Variants in SOCS5 observed in about 807,000 individuals in gnomAD.
SOCS5 encodes CIS-6.
SOCS5 carries 32 observed loss-of-function variants against 42.8 expected under a neutral mutation model. That is an observed-to-expected ratio of 0.75 (90% CI 0.56 to 1.01). The LOEUF is 1.01. SOCS5 is among the 50% of genes least tolerant of loss of function. SOCS5 has a pLI of 0.00. For missense variants in SOCS5, 627 were observed against 653.0 expected, an observed-to-expected ratio of 0.96 and a Z score of 0.43; for synonymous variants, 283 against 229.6, an observed-to-expected ratio of 1.23 and a Z score of -2.10.
intron 1 of SOCS5, among the ~76,000 whole-genome samples, chr2:46,745,410 A>T (rs764417719): frequency 1.3e-5 from 2 of 152,204 alleles, no homozygotes; most frequent in Non-Finnish European, 2.9e-5. Flanking sequence ...ACATTGTTTA[A>T]ATTGAACATA....
chr2:46,699,434 C>T lies in SOCS5; in HGVS notation c.-28C>T, dbSNP rs1424591292. On this transcript the variant is annotated 5_prime_UTR_variant, in exon 1 of 2. Coordinates refer to ENST00000394861, the MANE Select transcript of SOCS5 (RefSeq NM_144949.3). The surrounding 1 kb of genome is among the most constrained non-coding windows in gnomAD (Gnocchi z 4.8). The stretch of plus-strand genomic sequence containing the variant: ...CGCAGGTGCCCTGGATGAGGCCGCC[C>T]CGCGCGCCCCAAACGGTGAGTGTCC... 2 of 152,092 alleles carry T rather than the reference C, an allele frequency of 1.3e-5. No individual in the cohort carries two copies. The highest frequency in any genetic ancestry group is 2.4e-5 in the African/African-American group (1 of 41,374). 9.4% of individuals were successfully genotyped at this position (152,092 alleles called of 1,614,324 possible).
At chr2:46,726,397 C>T (rs1672991212) in intron 1 of SOCS5, among the ~76,000 whole-genome samples, 1 of 152,082 alleles carries the variant, frequency 6.6e-6, no homozygotes, top group African/African-American at 2.4e-5. Flanking sequence ...GTGCCTGGCC[C>T]TCTTTGGGTT....
At chr2:46,729,747 T>C (rs1226498046) in intron 1 of SOCS5, among the ~76,000 whole-genome samples, 2 of 152,198 alleles carry the variant, frequency 1.3e-5, no homozygotes, top group East Asian at 3.8e-4. Context: ...TTATAAACAC[T>C]GTACAGTTAG....
At chr2:46,701,713 C>A (rs759989876) in intron 1 of SOCS5, among the ~76,000 whole-genome samples, 2 of 149,020 alleles carry the variant, frequency 1.3e-5, no homozygotes, top group Non-Finnish European at 3.0e-5. Flanking sequence ...GCATTGTTAG[C>A]GTTAGTGCTG....
intron 1 of SOCS5, among the ~76,000 whole-genome samples, chr2:46,718,484 T>C (rs1356230373): frequency 6.6e-6 from 1 of 152,122 alleles, no homozygotes; most frequent in Non-Finnish European, 1.5e-5. Context: ...TAACTCAATA[T>C]CCCCAAACCC....
intron 1 of SOCS5, among the ~76,000 whole-genome samples, chr2:46,734,148 A>T (rs1170406108): frequency 1.3e-5 from 2 of 152,168 alleles, no homozygotes; most frequent in Non-Finnish European, 2.9e-5. Flanking sequence ...TCTGTGGAGC[A>T]ATAGTTGGTG....
chr2:46,705,843 G>C (rs1472341881), intron 1 of SOCS5, among the ~76,000 whole-genome samples: 1 of 152,214 alleles, frequency 6.6e-6, no homozygotes, highest in African/African-American at 2.4e-5. Context: ...TGCTGTTCCA[G>C]GTAGTTAAAA....
At chr2:46,729,151 T>TA (rs1673058264) in intron 1 of SOCS5, among the ~76,000 whole-genome samples, 1 of 152,236 alleles carries the variant, frequency 6.6e-6, no homozygotes, top group Non-Finnish European at 1.5e-5. Flanking sequence ...AACCTTAATA[T>TA]AAGAAACTAG....
intron 1 of SOCS5, among the ~76,000 whole-genome samples, chr2:46,741,277 C>T (rs2103741113): frequency 6.6e-6 from 1 of 152,254 alleles, no homozygotes; most frequent in African/African-American, 2.4e-5. Flanking sequence ...TCTCGCTCTA[C>T]CACTCAGGCT....
chr2:46,703,087 A>G (rs754316520), intron 1 of SOCS5, among the ~76,000 whole-genome samples: 1 of 152,178 alleles, frequency 6.6e-6, no homozygotes, highest in Non-Finnish European at 1.5e-5. Flanking sequence ...TATTTTTTCA[A>G]TGTATCTCAC....
intron 1 of SOCS5, among the ~76,000 whole-genome samples, chr2:46,703,849 G>T (rs1672401034): frequency 6.6e-6 from 1 of 152,170 alleles, no homozygotes; most frequent in Non-Finnish European, 1.5e-5. Context: ...CTTTCAAGGG[G>T]AGTGGGGAGG....
intron 1 of SOCS5, among the ~76,000 whole-genome samples, chr2:46,745,573 C>A (rs536560463): frequency 1.2e-3 from 184 of 152,172 alleles, no homozygotes; most frequent in Middle Eastern, 3.4e-3. Context: ...CCTTAAATAA[C>A]TGGATTCCAT....
Position 46,759,235 on chromosome 2 carries a change from G to A in SOCS5, c.705G>A (p.Gln235=). ...DLAQKWHLIK[Q]HTAPVSPHST... ...CCCAAAAATGGCATTTGATTAAACA[G>A]CATACAGCTCCTGTGAGCCCACATT... Residue 235 remains glutamine, a synonymous_variant, in exon 2 of 2, where the codon CAG becomes CAA. Transcript: ENST00000394861. 6.2e-7 allele frequency: 1 copy of A among 1,613,964 alleles called. No individual in the cohort carries two copies. Among genetic ancestry groups the A allele is most frequent in the South Asian group, 1.1e-5 (1 of 91,076 alleles).
chr2:46,704,705 G>A (rs1024774644), intron 1 of SOCS5, among the ~76,000 whole-genome samples: 1 of 152,086 alleles, frequency 6.6e-6, no homozygotes, highest in African/African-American at 2.4e-5. Flanking sequence ...TGAAGTAGTT[G>A]GCCTCTTATC....
intron 1 of SOCS5, among the ~76,000 whole-genome samples, chr2:46,711,183 G>T (rs532760336): frequency 6.6e-6 from 1 of 152,258 alleles, no homozygotes; most frequent in African/African-American, 2.4e-5. Context: ...TGGAATTGCT[G>T]GGTTTTAAAA....
chr2:46,758,544 G>A lies in SOCS5; in HGVS notation c.14G>A (p.Gly5Glu). 1 of 1,587,232 alleles carries A rather than the reference G, an allele frequency of 6.3e-7. No homozygotes were observed. The change falls in exon 2 of 2, where the codon GGA (glycine) becomes GAA (glutamate). Residue 5 changes from glycine to glutamate, a missense_variant. Gly to Glu is a moderately conservative substitution (Grantham distance 98). This residue lies in a region of SOCS5 where 278 missense variants were observed against 246.3 expected (regional missense o/e 1.13). Coordinates refer to ENST00000394861, the MANE Select transcript of SOCS5 (RefSeq NM_144949.3). ...ATTTTATAATCAATGGATAAAGTGGGAAAAATGTGGAATAACTTCAAATAC... is the reference window on the plus strand; with the variant it reads ...ATTTTATAATCAATGGATAAAGTGGAAAAAATGTGGAATAACTTCAAATAC... MDKV[G>E]KMWNNFKYRC...
At chr2:46,725,194 A>C (rs908481473) in intron 1 of SOCS5, among the ~76,000 whole-genome samples, 25 of 151,768 alleles carry the variant, frequency 1.6e-4, no homozygotes, top group Non-Finnish European at 3.4e-4. Flanking sequence ...GTTTCTTCTT[A>C]TTAATAGTTC....
At chr2:46,719,065 A>G (rs182122066) in intron 1 of SOCS5, among the ~76,000 whole-genome samples, 35 of 152,332 alleles carry the variant, frequency 2.3e-4, no homozygotes, top group Non-Finnish European at 3.5e-4. Context: ...TGTGTAACCA[A>G]ATACCATAAA....
At chr2:46,718,337 T>G (rs1315695866) in intron 1 of SOCS5, among the ~76,000 whole-genome samples, 2 of 152,232 alleles carry the variant, frequency 1.3e-5, no homozygotes, top group Non-Finnish European at 2.9e-5. Flanking sequence ...TTTTTCTTCT[T>G]TTTAAAAACT....
Sources: allele counts gnomAD v4.1 joint callset (sites outside exome capture counted in the v4.1 genomes callset), GRCh38; gene constraint gnomAD v4.1.1; regional missense constraint gnomAD v4.1.1; non-coding constraint Gnocchi (gnomAD v3.1); transcripts MANE v1.5; gene names NCBI Gene and HGNC (gene_info 2026-07-23, HGNC 2026-07-21).